DSCAM: variants seen among roughly 807,000 people sequenced by gnomAD.
The protein encoded by DSCAM is cell adhesion molecule DSCAM.
Under a neutral mutation model 217.7 loss-of-function variants are expected in DSCAM, and 47 were observed. That is an observed-to-expected ratio of 0.22 (90% CI 0.17 to 0.28). The LOEUF is 0.28. DSCAM is among the 10% of genes least tolerant of loss of function. The pLI is 1.00. For missense variants in DSCAM, 2,080 were observed against 2,618.3 expected (o/e 0.79, Z 4.49); for synonymous variants, 1,056 against 1,015.3 (o/e 1.04, Z -0.76).
chr21:40,224,597 A>C (rs1032985855), intron 11 of DSCAM, among the ~76,000 whole-genome samples: 9 of 152,228 alleles, frequency 5.9e-5, no homozygotes, highest in Admixed American at 5.9e-4. Flanking sequence ...ATAACGTTGC[A>C]AAAAGAGAAT....
intron 8 of DSCAM, among the ~76,000 whole-genome samples, chr21:40,321,616 C>CT (rs548006636): frequency 0.015 from 2,038 of 136,526 alleles, 21 homozygotes; most frequent in Middle Eastern, 0.035. Context: ...ACTGGTCATT[C>CT]TTTTTTTTTT....
chr21:40,368,067 G>A (rs972160363), intron 4 of DSCAM, among the ~76,000 whole-genome samples: 2 of 152,106 alleles, frequency 1.3e-5, no homozygotes, highest in Non-Finnish European at 2.9e-5. Context: ...CAGAAAGACG[G>A]GCTCTTAGAT....
intron 3 of DSCAM, among the ~76,000 whole-genome samples, chr21:40,433,920 T>C (rs1318795575): frequency 1.3e-5 from 2 of 152,198 alleles, no homozygotes; most frequent in Admixed American, 6.5e-5. Flanking sequence ...GTGGACGATG[T>C]CATCTGAAGT....
At chr21:40,561,453 A>G (rs1488900807) in intron 3 of DSCAM, among the ~76,000 whole-genome samples, 1 of 152,140 alleles carries the variant, frequency 6.6e-6, no homozygotes, top group African/African-American at 2.4e-5. Context: ...ACTTGTTTTC[A>G]TTTGTCTATT....
At chr21:40,420,768 T>C (rs1226568617) in intron 3 of DSCAM, among the ~76,000 whole-genome samples, 1 of 152,106 alleles carries the variant, frequency 6.6e-6, no homozygotes, top group East Asian at 1.9e-4. Context: ...AAGGCAGATA[T>C]CAGATGATGT....
At chr21:40,528,791 A>G (rs2076419890) in intron 3 of DSCAM, among the ~76,000 whole-genome samples, 1 of 151,898 alleles carries the variant, frequency 6.6e-6, no homozygotes, top group African/African-American at 2.4e-5. Context: ...TCAGAATCCT[A>G]GAGGATAAAA....
chr21:40,697,246 T>C (rs1337211228), intron 2 of DSCAM, among the ~76,000 whole-genome samples: 3 of 152,206 alleles, frequency 2.0e-5, no homozygotes, highest in Non-Finnish European at 4.4e-5. Context: ...GGATGGAGAG[T>C]TTGCAAATAT....
intron 1 of DSCAM, among the ~76,000 whole-genome samples, chr21:40,775,359 G>C (rs1036147650): frequency 1.6e-4 from 24 of 152,098 alleles, no homozygotes. Context: ...AGAACTGAAG[G>C]AATACCTAGA....
intron 10 of DSCAM, among the ~76,000 whole-genome samples, chr21:40,292,185 CTTTTT>C (rs11431306): frequency 9.1e-5 from 10 of 110,246 alleles, no homozygotes; most frequent in African/African-American, 3.3e-4. Flanking sequence ...AATGTAATGA[CTTTTT>C]TTTTTTTTTT....
chr21:40,673,296 C>A (rs75477764), intron 3 of DSCAM, among the ~76,000 whole-genome samples: 2 of 141,898 alleles, frequency 1.4e-5, no homozygotes, highest in Non-Finnish European at 3.1e-5. Flanking sequence ...ATGCCCCCCC[C>A]AAAATACAAA....
At chr21:40,699,051 C>G (rs2090626416) in intron 2 of DSCAM, among the ~76,000 whole-genome samples, 1 of 152,102 alleles carries the variant, frequency 6.6e-6, no homozygotes, top group South Asian at 2.1e-4. Flanking sequence ...TCATGCAACT[C>G]TATCAGCACC....
chr21:40,559,171 A>AAAGACAGTAC (rs11283687), intron 3 of DSCAM, among the ~76,000 whole-genome samples: 2 of 151,618 alleles, frequency 1.3e-5, no homozygotes, highest in East Asian at 1.9e-4. Context: ...TTCTCCAGTT[A>AAAGACAGTAC]AAGTAGGCCG....
At chr21:40,121,490 G>T (rs190379602) in intron 20 of DSCAM, among the ~76,000 whole-genome samples, 2 of 152,126 alleles carry the variant, frequency 1.3e-5, no homozygotes, top group East Asian at 3.9e-4. Context: ...CAATTAAGAT[G>T]CTCTGGGGTT....
chr21:40,035,712 A>AT (rs1222521756), intron 32 of DSCAM, among the ~76,000 whole-genome samples: 7 of 151,072 alleles, frequency 4.6e-5, no homozygotes, highest in African/African-American at 7.4e-5. Context: ...CAGAATACAC[A>AT]TTTTTTTCAG....
intron 18 of DSCAM, among the ~76,000 whole-genome samples, chr21:40,137,630 CACACACACACACACAT>C (rs1459356802): frequency 6.5e-5 from 9 of 138,494 alleles, no homozygotes; most frequent in Middle Eastern, 3.6e-3. Context: ...CACACACACA[CACACACACACACACAT>C]TAACTGAAGT....
intron 10 of DSCAM, among the ~76,000 whole-genome samples, chr21:40,278,695 G>A (rs2073721122): frequency 6.6e-6 from 1 of 152,040 alleles, no homozygotes; most frequent in Non-Finnish European, 1.5e-5. Context: ...CTGGGTGACA[G>A]TGAGATCTTG....
At chr21:40,797,217 A>AGTG (rs1044641062) in intron 1 of DSCAM, among the ~76,000 whole-genome samples, 3 of 152,172 alleles carry the variant, frequency 2.0e-5, no homozygotes, top group Non-Finnish European at 1.5e-5. Flanking sequence ...CCTTTTGATG[A>AGTG]GTGACATTGA....
intron 15 of DSCAM, among the ~76,000 whole-genome samples, chr21:40,174,939 T>C (rs1407979506): frequency 6.6e-6 from 1 of 152,202 alleles, no homozygotes; most frequent in Admixed American, 6.5e-5. Flanking sequence ...GGGTGGTCAC[T>C]GGAGCTCTGA....
chr21:40,525,912 G>A (rs1159823031), intron 3 of DSCAM, among the ~76,000 whole-genome samples: 1 of 152,018 alleles, frequency 6.6e-6, no homozygotes, highest in Non-Finnish European at 1.5e-5. Context: ...AGATAAGGTG[G>A]GCTCCTGGTA....
Sources: allele counts gnomAD v4.1 joint callset (sites outside exome capture counted in the v4.1 genomes callset), GRCh38; gene constraint gnomAD v4.1.1; transcripts MANE v1.5; gene names NCBI Gene and HGNC (gene_info 2026-07-23, HGNC 2026-07-21).